Variants in PTPN21 observed in about 807,000 individuals in gnomAD.
PTPN21 encodes protein tyrosine phosphatase non-receptor type 21.
PTPN21 carries 77 observed loss-of-function variants against 131.8 expected under a neutral mutation model. The ratio of observed to expected loss-of-function variants is 0.58; its 90% CI spans 0.49 to 0.71. The LOEUF (loss-of-function observed/expected upper bound fraction) is 0.71. Among genes scored for constraint, PTPN21 ranks in the 30% least tolerant of loss-of-function variants. The pLI is 0.00. For missense variants in PTPN21, 1,552 were observed against 1,527.1 expected (o/e 1.02, Z -0.27); for synonymous variants, 715 against 621.3 (o/e 1.15, Z -2.24).
Position 88,473,801 on chromosome 14 carries a change from C to G in PTPN21, c.2513G>C (p.Gly838Ala). 1 of 1,602,246 alleles carries G rather than the reference C, an allele frequency of 6.2e-7. No homozygotes were observed. The highest frequency in any genetic ancestry group is 8.5e-7 in the Non-Finnish European group (1 of 1,176,966). The change falls in exon 14 of 19, where the codon GGA becomes GCA. Residue 838 changes from glycine to alanine, a missense_variant and splice_region_variant. Physicochemically the swap from Gly to Ala is moderately conservative, Grantham distance 60. This residue lies in a region of PTPN21 where 1,016 missense variants were observed against 883.5 expected (regional missense o/e 1.15). Transcript: ENST00000556564. ...NIVEGLPPLG[G>A]MKKTRVDAKK... ...TGCATCTACTCGAGTCTTTTTCATT[C>G]CCTGTAAAAGGATTTATATGTATAT... is the stretch of plus-strand genomic sequence containing the variant.
In PTPN21 at chr14:88,479,104, G is replaced by A. The variant is rs2077593403; in HGVS notation, c.2327C>T (p.Pro776Leu). Residue 776 changes from proline to leucine, a missense_variant, in exon 13 of 19, where the codon CCC (proline) becomes CTC (leucine). Pro to Leu is a moderately conservative substitution (Grantham distance 98, BLOSUM62 -3). This residue lies in a region of PTPN21 where 1,016 missense variants were observed against 883.5 expected (regional missense o/e 1.15). Transcript: ENST00000556564. ...DAEKRMMDSSPVRTTAEAQRP... is the reference protein window; with the variant it reads ...DAEKRMMDSSLVRTTAEAQRP... ...CTGGGCCTCTGCGGTCGTGCGGACGGGGCTGCTGTCCATCATCCTCTTCTC... is the reference window on the plus strand; with the variant it reads ...CTGGGCCTCTGCGGTCGTGCGGACGAGGCTGCTGTCCATCATCCTCTTCTC... 1.9e-6 allele frequency: 3 copies of A among 1,572,560 alleles called. No homozygotes were observed. The highest frequency in any genetic ancestry group is 1.4e-5 in the African/African-American group (1 of 73,008).
At chr14:88,470,140 T>A in intron 15 of PTPN21, 90 bp from the exon 16 acceptor site, 1 of 1,381,250 alleles carries the variant, frequency 7.2e-7, no homozygotes, top group Non-Finnish European at 9.9e-7. Flanking sequence ...TAAAAAAGTT[T>A]TTTTAAAAAA....
intron 4 of PTPN21, among the ~76,000 whole-genome samples, chr14:88,506,273 G>A (rs1187541926): frequency 6.6e-6 from 1 of 152,152 alleles, no homozygotes; most frequent in Non-Finnish European, 1.5e-5. Context: ...ACAGTAGGTT[G>A]TGGCTGCAGT....
chr14:88,554,604 C>T (rs2078901110), intron 1 of PTPN21, 47 bp downstream of exon 1: 1 of 149,582 alleles, frequency 6.7e-6, no homozygotes, highest in African/African-American at 2.4e-5. Context: ...CCCCACCGCT[C>T]GGGCCAGCCG....
At chr14:88,549,281 A>C (rs2078825689) in intron 2 of PTPN21, among the ~76,000 whole-genome samples, 1 of 152,244 alleles carries the variant, frequency 6.6e-6, no homozygotes, top group African/African-American at 2.4e-5. Flanking sequence ...CAAAAAAGAA[A>C]GAATGAAGTC....
At chr14:88,528,106 A>G (rs1259434471) in intron 2 of PTPN21, among the ~76,000 whole-genome samples, 2 of 151,904 alleles carry the variant, frequency 1.3e-5, no homozygotes, top group African/African-American at 4.8e-5. Flanking sequence ...TGTTCTTTCT[A>G]CTTAGTCTTG....
intron 1 of PTPN21, 117 bp from the exon 2 acceptor site, chr14:88,550,736 G>A (rs867670659): frequency 4.1e-6 from 1 of 244,282 alleles, no homozygotes; most frequent in Admixed American, 5.0e-5. Flanking sequence ...CTGGAAAAAA[G>A]GCACTAACAG....
At chr14:88,542,046 C>T (rs1024832295) in intron 2 of PTPN21, among the ~76,000 whole-genome samples, 1 of 152,124 alleles carries the variant, frequency 6.6e-6, no homozygotes. Flanking sequence ...GGTCCATGAC[C>T]GCCACAAATT....
chr14:88,522,380 C>T (rs2078408187), intron 2 of PTPN21, among the ~76,000 whole-genome samples: 1 of 147,956 alleles, frequency 6.8e-6, no homozygotes, highest in Non-Finnish European at 1.5e-5. Context: ...TGAGAGCATG[C>T]CACTGTACCA....
chr14:88,469,122 T>C lies in PTPN21; in HGVS notation c.3236-46A>G, dbSNP rs367557254. 8 of 1,559,316 alleles carry C rather than the reference T, an allele frequency of 5.1e-6. No homozygotes were observed. In the African/African-American group the frequency reaches 5.4e-5, roughly 11 times the overall value. On this transcript the variant is annotated intron_variant, in intron 17 of 18. Transcript: ENST00000556564. This position sits in a 1 kb window ranked among gnomAD's most constrained non-coding sequence, Gnocchi z 4.3. ...AGAAAAGTACTCAAGGATCAAGGCG[T>C]ATCACATTGTTGACTCAATCTTCAT...
rs10129517 is a variant in PTPN21, at chr14:88,550,999, T to C, written c.-202-380A>G. ...TAATACTCCAAATGTCAGAGTTCTT[T>C]AGTCCTTAAGTGAGAAAAGTGCCAA... On this transcript the variant is annotated intron_variant, in intron 1 of 18. Transcript: ENST00000556564. 7.6e-3 allele frequency among the ~76,000 whole-genome samples: 1,156 copies of C among 152,292 alleles called. 13 individuals carry two copies. The highest frequency in any genetic ancestry group is 0.026 in the African/African-American group (1,094 of 41,548).
chr14:88,479,813 G>A lies in PTPN21; in HGVS notation c.1618C>T (p.Pro540Ser), dbSNP rs2077616980. 1.3e-6 allele frequency: 2 copies of A among 1,547,760 alleles called. No individual in the cohort carries two copies. Among genetic ancestry groups the A allele is most frequent in the Non-Finnish European group, 1.7e-6 (2 of 1,152,696 alleles). ...TGCAGCTGCGCATTGGTCAGCTCCG[G>A]CACGCTGACCGCGCCCACCACGGGC... is the stretch of plus-strand genomic sequence containing the variant. ...RRPVVGAVSV[P>S]ELTNAQLQAQ... Residue 540 changes from proline (P) to serine (S), a missense_variant, in exon 13 of 19, where the codon CCG (proline) becomes TCG (serine). Around this residue, in one of 4 missense-constraint regions of PTPN21, gnomAD observed 1,016 missense variants for 883.5 expected, o/e 1.15. Transcript: ENST00000556564.
At chr14:88,510,073 T>C (rs1302634218) in intron 3 of PTPN21, among the ~76,000 whole-genome samples, 1 of 152,100 alleles carries the variant, frequency 6.6e-6, no homozygotes, top group Non-Finnish European at 1.5e-5. Context: ...GCAACATACT[T>C]GGACCCAATT....
chr14:88,505,534 G>A (rs1273422446), intron 4 of PTPN21, among the ~76,000 whole-genome samples, 163 bp from the exon 5 acceptor site: 1 of 152,130 alleles, frequency 6.6e-6, no homozygotes, highest in African/African-American at 2.4e-5. Context: ...CTTTTTAAAA[G>A]TGTTAATTAG....
At chr14:88,487,656 A>G (rs2140111286) in intron 10 of PTPN21, among the ~76,000 whole-genome samples, 1 of 152,270 alleles carries the variant, frequency 6.6e-6, no homozygotes, top group African/African-American at 2.4e-5. Flanking sequence ...TGTTAATGAA[A>G]AATAAATGTC....
In PTPN21 at chr14:88,550,510, G is replaced by A. The variant is rs374189665; in HGVS notation, c.-93C>T. ...ACGCCAGGAGAAAGCGATCCTCTCC[G>A]GATGGGACGAACACTGTCCGGCCTC... On this transcript the variant is annotated 5_prime_UTR_variant, in exon 2 of 19. Coordinates refer to ENST00000556564, the MANE Select transcript of PTPN21 (RefSeq NM_007039.4). 7.9e-7 allele frequency: 1 copy of A among 1,268,264 alleles called. No individual in the cohort carries two copies. The highest frequency in any genetic ancestry group is 1.1e-6 in the Non-Finnish European group (1 of 916,104). 78.6% of individuals were successfully genotyped at this position (1,268,264 alleles called of 1,614,324 possible). A position where few individuals can be genotyped will look rare whatever the true frequency, so the allele number is the denominator to read the frequency against.
rs1434586100 is a variant in PTPN21, at chr14:88,467,706, G to A, written c.*431C>T. The stretch of plus-strand genomic sequence containing the variant: ...CTGTGGATCATCCTTACACAAAGTT[G>A]TTTCTCACTAGAAAAATCCCTAAAT... On this transcript the variant is annotated 3_prime_UTR_variant, in exon 19 of 19. Transcript: ENST00000556564. 5.7e-6 allele frequency: 1 copy of A among 175,330 alleles called. No homozygotes were observed. Among genetic ancestry groups the A allele is most frequent in the Admixed American group, 6.3e-5 (1 of 15,754 alleles). 10.9% of individuals were successfully genotyped at this position (175,330 alleles called of 1,614,324 possible). A position where few individuals can be genotyped will look rare whatever the true frequency, so the allele number is the denominator to read the frequency against.
rs148572923 is a variant in PTPN21, at chr14:88,482,118, G to A, written c.1079-1766C>T. Among the ~76,000 whole-genome samples the A allele has an allele frequency of 3.2e-4, 49 of 152,346 alleles. 1 individual carries two copies. The highest frequency in any genetic ancestry group is 3.4e-3 in the Middle Eastern group (1 of 294). ...CAGCACAGCATAGCCCTGCCTATCC[G>A]GTCTGCATGGCAGCATGTGAACGGA... On this transcript the variant is annotated intron_variant, in intron 12 of 18. Transcript: ENST00000556564.
intron 3 of PTPN21, 133 bp from the exon 4 acceptor site, chr14:88,508,153 T>G (rs1280560848): frequency 0.023 from 7,990 of 343,880 alleles, 23 homozygotes; most frequent in African/African-American, 0.064. Context: ...TGTGTGTGTT[T>G]TTTTTTTTTT....
Sources: gnomAD v4.1 joint callset for allele counts (sites outside exome capture counted in the v4.1 genomes callset) on GRCh38, gnomAD v4.1.1 for gene constraint, gnomAD v4.1.1 regional missense constraint, Gnocchi (gnomAD v3.1) non-coding constraint, MANE v1.5 for transcripts, NCBI Gene and HGNC (gene_info 2026-07-23, HGNC 2026-07-21) for gene names.